Variants in DLG2 observed in about 807,000 individuals in gnomAD.
DLG2 encodes discs large MAGUK scaffold protein 2.
Under a neutral mutation model 132.5 loss-of-function variants are expected in DLG2, and 45 were observed. The observed-to-expected ratio is 0.34, with a 90% confidence interval of 0.27 to 0.44. The LOEUF (loss-of-function observed/expected upper bound fraction) is 0.44. Among genes scored for constraint, DLG2 ranks in the 20% least tolerant of loss-of-function variants. The pLI, the probability that DLG2 is intolerant of heterozygous loss-of-function variation, is 1.00. For missense variants in DLG2, 1,045 were observed against 1,196.9 expected, an observed-to-expected ratio of 0.87 and a Z score of 1.87; for synonymous variants, 424 against 419.6, an observed-to-expected ratio of 1.01 and a Z score of -0.13.
chr11:85,592,659 T>C (rs2079438906), intron 3 of DLG2, among the ~76,000 whole-genome samples: 1 of 152,096 alleles, frequency 6.6e-6, no homozygotes, highest in Non-Finnish European at 1.5e-5. Context: ...TTTTAGATAT[T>C]CTATTGTAAG....
At chr11:83,911,999 T>C (rs1243678821) in intron 15 of DLG2, among the ~76,000 whole-genome samples, 2 of 152,032 alleles carry the variant, frequency 1.3e-5, no homozygotes, top group Non-Finnish European at 2.9e-5. Context: ...AAAAGAATTA[T>C]TGAAACAGCA....
chr11:84,271,893 C>T (rs1202263501), intron 7 of DLG2, among the ~76,000 whole-genome samples: 1 of 144,572 alleles, frequency 6.9e-6, no homozygotes, highest in African/African-American at 2.6e-5. Flanking sequence ...CAAGGGATGG[C>T]TCCGTGAACG....
At chr11:84,196,951 CG>C (rs2096527178) in intron 8 of DLG2, among the ~76,000 whole-genome samples, 1 of 147,020 alleles carries the variant, frequency 6.8e-6, no homozygotes, top group South Asian at 2.2e-4. Context: ...GCAAGAGAAG[CG>C]CTTGAACCCA....
chr11:84,094,445 C>T (rs2097139120), intron 10 of DLG2, among the ~76,000 whole-genome samples: 1 of 152,100 alleles, frequency 6.6e-6, no homozygotes, highest in Non-Finnish European at 1.5e-5. Flanking sequence ...TTCTGTGGAC[C>T]TTAGTTTCTC....
chr11:83,621,442 C>T (rs1214849617), intron 19 of DLG2, among the ~76,000 whole-genome samples: 1 of 152,028 alleles, frequency 6.6e-6, no homozygotes, highest in Non-Finnish European at 1.5e-5. Context: ...AAGAGAAGGG[C>T]CAAGAGGCAG....
In DLG2 at chr11:83,609,923, T is replaced by G. The variant is rs919427959; in HGVS notation, c.1940+23288A>C. On this transcript the variant is annotated intron_variant, in intron 19 of 27. Transcript: ENST00000376104. ...GATATCACTCTCTCTGTAGGACATG[T>G]GGTCAAGTTTTAAATACTTGGTACT... Among the ~76,000 whole-genome samples the G allele has an allele frequency of 2.6e-5, 4 of 152,342 alleles. No individual in the cohort carries two copies. The South Asian group carries it at 8.3e-4, about 32-fold the overall frequency.
chr11:84,591,109 G>A (rs576191172), intron 6 of DLG2, among the ~76,000 whole-genome samples: 19 of 152,084 alleles, frequency 1.2e-4, no homozygotes, highest in Middle Eastern at 6.8e-3. Flanking sequence ...TAGCTCTGAT[G>A]TATTGCTGCA....
At chr11:85,302,234 T>C (rs1393814584) in intron 3 of DLG2, among the ~76,000 whole-genome samples, 1 of 152,204 alleles carries the variant, frequency 6.6e-6, no homozygotes, top group African/African-American at 2.4e-5. Flanking sequence ...GAGTGACTTT[T>C]GGTCTGTTAT....
chr11:85,437,323 CAA>C (rs762405405), intron 3 of DLG2, among the ~76,000 whole-genome samples: 1 of 143,956 alleles, frequency 6.9e-6, no homozygotes, highest in African/African-American at 2.6e-5. Context: ...AAAAAAAAAA[CAA>C]AAAAAAAGAG....
intron 6 of DLG2, chr11:84,640,087 G>A: frequency 3.2e-6 from 1 of 310,262 alleles, no homozygotes; most frequent in Non-Finnish European, 6.1e-6. Context: ...GGCCCCAGAG[G>A]AACCCTGTGA....
chr11:84,300,590 C>G (rs2098140843), intron 7 of DLG2, among the ~76,000 whole-genome samples: 1 of 152,136 alleles, frequency 6.6e-6, no homozygotes, highest in Non-Finnish European at 1.5e-5. Context: ...TTCCTTCATT[C>G]CTTCCTTCCA....
intron 6 of DLG2, among the ~76,000 whole-genome samples, chr11:84,983,391 G>T (rs575093514): frequency 6.6e-6 from 1 of 152,088 alleles, no homozygotes; most frequent in African/African-American, 2.4e-5. Context: ...AAGAGAGATA[G>T]CAATCACTAC....
At chr11:84,207,862 G>A (rs1180828009) in intron 8 of DLG2, among the ~76,000 whole-genome samples, 1 of 151,996 alleles carries the variant, frequency 6.6e-6, no homozygotes, top group Non-Finnish European at 1.5e-5. Context: ...GGACAGAACT[G>A]CAAAACATGT....
At chr11:85,587,145 A>G (rs1456068046) in intron 3 of DLG2, among the ~76,000 whole-genome samples, 2 of 152,170 alleles carry the variant, frequency 1.3e-5, no homozygotes, top group East Asian at 3.8e-4. Context: ...AGAATGTTCC[A>G]TGTGCTGATG....
At chr11:85,122,957 ATATATATATATATTTTTTTT>A (rs2074544380) in intron 5 of DLG2, among the ~76,000 whole-genome samples, 1 of 44,216 alleles carries the variant, frequency 2.3e-5, no homozygotes, top group East Asian at 1.2e-3. Context: ...TATTATATAT[ATATATATATATATTTTTTTT>A]TTTTTTTTTT....
At chr11:83,915,291 G>C (rs139825792) in intron 15 of DLG2, among the ~76,000 whole-genome samples, 131 of 152,170 alleles carry the variant, frequency 8.6e-4, no homozygotes, top group Middle Eastern at 3.4e-3. Flanking sequence ...AGAAGAGATA[G>C]TGTAGACAAC....
At chr11:84,109,402 A>G (rs1465553062) in intron 9 of DLG2, among the ~76,000 whole-genome samples, 1 of 152,194 alleles carries the variant, frequency 6.6e-6, no homozygotes, top group Non-Finnish European at 1.5e-5. Flanking sequence ...ATGCTTTACC[A>G]TGATTAATTC....
At chr11:83,933,348 G>A (rs143090256) in intron 14 of DLG2, among the ~76,000 whole-genome samples, 2 of 152,330 alleles carry the variant, frequency 1.3e-5, no homozygotes, top group South Asian at 2.1e-4. Flanking sequence ...TGCCCACAGA[G>A]GGAGGGAAAA....
chr11:83,933,121 G>A lies in DLG2; in HGVS notation c.1341-2638C>T, dbSNP rs149066524. 1.2e-4 allele frequency among the ~76,000 whole-genome samples: 19 copies of A among 152,254 alleles called. No individual in the cohort carries two copies. The East Asian group carries it at 1.5e-3, about 12-fold the overall frequency. On this transcript the variant is annotated intron_variant, in intron 14 of 27. Transcript: ENST00000376104. ...GCCCATCAGACAAACAAGAAATGCC[G>A]TTTTATAAACCATCACTGAAATCTG...
Sources: allele counts gnomAD v4.1 joint callset (sites outside exome capture counted in the v4.1 genomes callset), GRCh38; gene constraint gnomAD v4.1.1; transcripts MANE v1.5; gene names NCBI Gene and HGNC (gene_info 2026-07-23, HGNC 2026-07-21).